The following NECTIN3 variants were observed in gnomAD, a reference collection of about 807,000 sequenced individuals.
NECTIN3 encodes the protein nectin cell adhesion molecule 3.
NECTIN3 carries 8 observed loss-of-function variants against 49.4 expected under a neutral mutation model. The observed-to-expected ratio is 0.16, with a 90% confidence interval of 0.10 to 0.29. The LOEUF is 0.29. NECTIN3 is among the 10% of genes least tolerant of loss of function. The probability of loss-of-function intolerance (pLI) is 1.00; values close to 1 mark genes in which losing one functional copy is unlikely to be tolerated. For synonymous variants in NECTIN3, 277 were observed against 241.1 expected (o/e 1.15, Z -1.38); for missense variants, 581 against 654.6 (o/e 0.89, Z 1.23).
At chr3:111,138,646 C>T (rs894794576), downstream of NECTIN3, among the ~76,000 whole-genome samples, 2 of 151,506 alleles carry the variant, frequency 1.3e-5, no homozygotes, top group Admixed American at 1.3e-4. Context: ...AAACATGATT[C>T]AGTTTTGGGA....
rs540412951 is a variant in NECTIN3, at chr3:111,104,082, G to A, written c.161-7948G>A. ...ATGGTATGTTTAACTTTAAGAGACT[G>A]CTAAGTGTATTCCAGTGTGGTTTTA... is the stretch of plus-strand genomic sequence containing the variant. On this transcript the variant is annotated intron_variant, in intron 1 of 5. Transcript: ENST00000485303. Among the ~76,000 whole-genome samples, 50 of 152,284 alleles carry A rather than the reference G, an allele frequency of 3.3e-4. 1 individual carries two copies. Among genetic ancestry groups the A allele is most frequent in the Admixed American group, 5.9e-4 (9 of 15,300 alleles).
intron 1 of NECTIN3, among the ~76,000 whole-genome samples, chr3:111,085,012 A>C (rs1374516446): frequency 1.3e-5 from 2 of 152,072 alleles, no homozygotes; most frequent in East Asian, 3.9e-4. Flanking sequence ...TTTTCTGCCT[A>C]GTTTCTGGTT....
intron 7 of NECTIN3, among the ~76,000 whole-genome samples, chr3:111,175,398 G>A (rs563056653): frequency 1.3e-5 from 2 of 151,542 alleles, no homozygotes; most frequent in Non-Finnish European, 2.9e-5. Flanking sequence ...TCTTCTGTTT[G>A]TATCAGTACC....
chr3:111,138,541 A>G (rs547246489), downstream of NECTIN3, among the ~76,000 whole-genome samples: 1 of 151,596 alleles, frequency 6.6e-6, no homozygotes, highest in Non-Finnish European at 1.5e-5. Context: ...TTGAAACCAA[A>G]ATTGTTTACA....
chr3:111,114,179 A>G (rs1046361321), intron 2 of NECTIN3, among the ~76,000 whole-genome samples: 1 of 152,050 alleles, frequency 6.6e-6, no homozygotes, highest in African/African-American at 2.4e-5. Flanking sequence ...TTCTCGCTTC[A>G]TCTATTCTCC....
At chr3:111,143,710 C>G (rs2034805669) in intron 5 of NECTIN3, among the ~76,000 whole-genome samples, 1 of 151,806 alleles carries the variant, frequency 6.6e-6, no homozygotes, top group Non-Finnish European at 1.5e-5. Context: ...AAACTGAGAC[C>G]TCTTCATTAG....
intron 1 of NECTIN3, among the ~76,000 whole-genome samples, chr3:111,082,130 A>C (rs1386636160): frequency 6.6e-6 from 1 of 152,144 alleles, no homozygotes; most frequent in Non-Finnish European, 1.5e-5. Context: ...ATTGTGGGTA[A>C]GGAAGGAGGA....
rs190811697 is a variant in NECTIN3, at chr3:111,165,586, A to G, written c.1221+18102A>G. On this transcript the variant is annotated intron_variant, in intron 7 of 8. Transcript: ENST00000493615. The stretch of plus-strand genomic sequence containing the variant: ...TGCCGGAGTACGGTATGGAATTGAC[A>G]GACTAGCCATTGACAAAGCACAAAG... Among the ~76,000 whole-genome samples, 161 of 152,324 alleles carry G rather than the reference A, an allele frequency of 1.1e-3. 2 individuals are homozygous for G. Among genetic ancestry groups the G allele is most frequent in the South Asian group, 4.6e-3 (22 of 4,828 alleles).
At chr3:111,176,160 T>G (rs1273221738) in intron 7 of NECTIN3, among the ~76,000 whole-genome samples, 1 of 152,182 alleles carries the variant, frequency 6.6e-6, no homozygotes, top group Non-Finnish European at 1.5e-5. Context: ...AGAAAATAGT[T>G]TTCACTGTTC....
intron 5 of NECTIN3, among the ~76,000 whole-genome samples, chr3:111,143,139 C>T (rs1389706288): frequency 1.3e-5 from 2 of 151,686 alleles, no homozygotes; most frequent in African/African-American, 4.8e-5. Context: ...ATAGATTATC[C>T]GTAAGTCATC....
intron 7 of NECTIN3, among the ~76,000 whole-genome samples, chr3:111,174,200 G>T (rs1028349776): frequency 1.3e-5 from 2 of 152,092 alleles, no homozygotes; most frequent in Non-Finnish European, 2.9e-5. Flanking sequence ...TATGTTGATT[G>T]CTCTAGCCTC....
At chr3:111,138,146 T>A (rs1317624495), downstream of NECTIN3, among the ~76,000 whole-genome samples, 1 of 151,680 alleles carries the variant, frequency 6.6e-6, no homozygotes, top group Non-Finnish European at 1.5e-5. Context: ...ACTTACTACT[T>A]TTTGTGAGCT....
intron 5 of NECTIN3, among the ~76,000 whole-genome samples, chr3:111,143,688 T>C (rs1419749190): frequency 6.6e-6 from 1 of 151,930 alleles, no homozygotes. Context: ...GAAGATTATG[T>C]CAATTTAAGT....
At chr3:111,151,487 G>A (rs2034999450) in intron 7 of NECTIN3, among the ~76,000 whole-genome samples, 1 of 151,832 alleles carries the variant, frequency 6.6e-6, no homozygotes, top group African/African-American at 2.4e-5. Context: ...TTAAATGTTA[G>A]CAGTTATCTT....
At chr3:111,124,534 T>C (rs577543372) in intron 4 of NECTIN3, among the ~76,000 whole-genome samples, 3 of 152,362 alleles carry the variant, frequency 2.0e-5, no homozygotes, top group African/African-American at 4.8e-5. Context: ...GTTTATCTTT[T>C]GAAAGCCGAT....
intron 2 of NECTIN3, among the ~76,000 whole-genome samples, chr3:111,116,257 A>G (rs1292602401): frequency 6.6e-6 from 1 of 152,182 alleles, no homozygotes; most frequent in Non-Finnish European, 1.5e-5. Context: ...AAGAAAAGAT[A>G]TGAAAGTTTT....
chr3:111,093,559 T>A (rs1489749069), intron 1 of NECTIN3, among the ~76,000 whole-genome samples: 1 of 151,698 alleles, frequency 6.6e-6, no homozygotes, highest in East Asian at 2.0e-4. Context: ...CCCAGCCTCC[T>A]GAGTAACTAG....
intron 1 of NECTIN3, among the ~76,000 whole-genome samples, chr3:111,081,143 T>A (rs1425876442): frequency 6.6e-6 from 1 of 152,120 alleles, no homozygotes; most frequent in Non-Finnish European, 1.5e-5. Flanking sequence ...AAGCCAGGCA[T>A]GGTGGAGTCC....
intron 1 of NECTIN3, among the ~76,000 whole-genome samples, chr3:111,076,299 C>T (rs1040306979): frequency 2.0e-5 from 3 of 152,084 alleles, no homozygotes; most frequent in Non-Finnish European, 2.9e-5. Context: ...CATTCTGTAA[C>T]TTAACCCTTA....
Sources: gnomAD v4.1 joint callset for allele counts (sites outside exome capture counted in the v4.1 genomes callset) on GRCh38, gnomAD v4.1.1 for gene constraint, MANE v1.5 for transcripts, NCBI Gene and HGNC (gene_info 2026-07-23, HGNC 2026-07-21) for gene names.